The following TMTC2 variants were observed in gnomAD, a reference collection of about 807,000 sequenced individuals.
TMTC2 encodes the protein transmembrane O-mannosyltransferase targeting cadherins 2, also known as protein O-mannosyl-transferase TMTC2.
In TMTC2, 43 loss-of-function variants were observed where a neutral mutation model predicts 82.4. The observed-to-expected ratio is 0.52, with a 90% confidence interval of 0.41 to 0.67. The LOEUF is 0.67. Among genes scored for constraint, TMTC2 ranks in the 30% least tolerant of loss-of-function variants. The pLI is 0.00. For missense variants in TMTC2, 919 were observed against 1,012.4 expected, an observed-to-expected ratio of 0.91 and a Z score of 1.25; for synonymous variants, 408 against 381.9, an observed-to-expected ratio of 1.07 and a Z score of -0.80.
intron 2 of TMTC2, among the ~76,000 whole-genome samples, chr12:82,885,609 A>G (rs1298278778): frequency 6.6e-6 from 1 of 151,434 alleles, no homozygotes; most frequent in African/African-American, 2.4e-5. Context: ...GCCTTGAGTG[A>G]TTCCCCCCAC....
At chr12:82,876,097 A>ATGGTGGTGG (rs3068166) in intron 2 of TMTC2, among the ~76,000 whole-genome samples, 2 of 113,294 alleles carry the variant, frequency 1.8e-5, no homozygotes, top group Non-Finnish European at 1.7e-5. Context: ...AGTATTCATA[A>ATGGTGGTGG]TGGTGGTGGT....
chr12:82,848,937 G>C (rs1350692720), intron 1 of TMTC2, among the ~76,000 whole-genome samples: 1 of 152,262 alleles, frequency 6.6e-6, no homozygotes, highest in East Asian at 1.9e-4. Context: ...TAGTAATCCA[G>C]GTAGAGGGGG....
chr12:82,915,812 T>A (rs1332628144), intron 3 of TMTC2, among the ~76,000 whole-genome samples: 1 of 152,230 alleles, frequency 6.6e-6, no homozygotes, highest in African/African-American at 2.4e-5. Context: ...CTATTCCTGA[T>A]ACAAACTCAG....
intron 1 of TMTC2, among the ~76,000 whole-genome samples, chr12:82,716,357 G>C (rs963769411): frequency 4.0e-5 from 6 of 149,978 alleles, no homozygotes; most frequent in African/African-American, 1.5e-4. Flanking sequence ...TGCTTGTCTG[G>C]TACATTTTTT....
At chr12:82,833,257 A>G (rs1421601296) in intron 1 of TMTC2, among the ~76,000 whole-genome samples, 1 of 152,228 alleles carries the variant, frequency 6.6e-6, no homozygotes, top group East Asian at 1.9e-4. Context: ...CCAGCTGGAC[A>G]AACATTTATC....
chr12:82,867,469 TA>T (rs1871926824), intron 2 of TMTC2, among the ~76,000 whole-genome samples: 1 of 152,116 alleles, frequency 6.6e-6, no homozygotes, highest in Admixed American at 6.5e-5. Flanking sequence ...GAAGAACACC[TA>T]AAAAATAAAT....
chr12:82,688,885 T>C (rs1872457187), intron 1 of TMTC2, among the ~76,000 whole-genome samples: 1 of 152,200 alleles, frequency 6.6e-6, no homozygotes, highest in Non-Finnish European at 1.5e-5. Flanking sequence ...TATTCTCTGG[T>C]GTGCCCATTC....
intron 4 of TMTC2, among the ~76,000 whole-genome samples, chr12:82,943,076 A>G (rs1876811488): frequency 6.6e-6 from 1 of 152,170 alleles, no homozygotes; most frequent in Non-Finnish European, 1.5e-5. Flanking sequence ...AGCTGCTTAT[A>G]TAAACAAAGC....
rs535016843 is a variant in TMTC2 at position 82,730,368 on chromosome 12, A to C, written c.83+42699A>C. On this transcript the variant is annotated intron_variant, in intron 1 of 11. Transcript: ENST00000321196. Reference sequence around the variant, plus strand: ...TCTTATATAAAAAACAACCACTTTAATCTCTTGGGCTTTTCTTCTGCTATT... The same window carrying C: ...TCTTATATAAAAAACAACCACTTTACTCTCTTGGGCTTTTCTTCTGCTATT... 8.0e-5 allele frequency among the ~76,000 whole-genome samples: 12 copies of C among 150,472 alleles called. No homozygotes were observed. The South Asian group carries it at 2.3e-3, about 29-fold the overall frequency.
At chr12:82,979,118 C>T (rs1231248226) in intron 7 of TMTC2, among the ~76,000 whole-genome samples, 2 of 150,958 alleles carry the variant, frequency 1.3e-5, no homozygotes, top group African/African-American at 4.9e-5. Flanking sequence ...ATTGTTAGGT[C>T]TTTTTTTTCT....
intron 1 of TMTC2, among the ~76,000 whole-genome samples, chr12:82,794,338 C>T (rs1878613703): frequency 6.6e-6 from 1 of 152,132 alleles, no homozygotes; most frequent in Non-Finnish European, 1.5e-5. Flanking sequence ...CGTTTCCCCT[C>T]TTCCCCATCT....
chr12:82,775,022 T>G (rs1469184686), intron 1 of TMTC2, among the ~76,000 whole-genome samples: 1 of 152,128 alleles, frequency 6.6e-6, no homozygotes, highest in African/African-American at 2.4e-5. Context: ...TTGTGAGTCT[T>G]GCCATTGGTA....
At chr12:83,038,257 T>G (rs942077628) in intron 9 of TMTC2, among the ~76,000 whole-genome samples, 3 of 152,008 alleles carry the variant, frequency 2.0e-5, no homozygotes, top group African/African-American at 7.2e-5. Context: ...CTGCACGTTG[T>G]GCACATGTAC....
chr12:82,849,285 A>G (rs1305443589), intron 1 of TMTC2, among the ~76,000 whole-genome samples: 4 of 152,136 alleles, frequency 2.6e-5, no homozygotes, highest in East Asian at 1.9e-4. Context: ...AGAAAAGACA[A>G]TTCCTTTCCA....
At chr12:82,917,591 T>TTTTA (rs200853483) in intron 3 of TMTC2, among the ~76,000 whole-genome samples, 2,980 of 151,730 alleles carry the variant, frequency 0.02, 103 homozygotes, top group East Asian at 0.15. Context: ...TTGGCTTTTA[T>TTTTA]TTTATTTATT....
At chr12:83,088,652 C>T (rs1235917902) in intron 11 of TMTC2, among the ~76,000 whole-genome samples, 1 of 152,112 alleles carries the variant, frequency 6.6e-6, no homozygotes, top group Non-Finnish European at 1.5e-5. Context: ...AGAGCACACA[C>T]AACATTTATG....
At chr12:82,766,683 A>T (rs1876979943) in intron 1 of TMTC2, among the ~76,000 whole-genome samples, 2 of 152,240 alleles carry the variant, frequency 1.3e-5, no homozygotes, top group Admixed American at 6.5e-5. Flanking sequence ...GTCCCTGTAT[A>T]CCATGTCAGT....
At chr12:82,741,159 A>C (rs1422031665) in intron 1 of TMTC2, among the ~76,000 whole-genome samples, 1 of 152,188 alleles carries the variant, frequency 6.6e-6, no homozygotes, top group African/African-American at 2.4e-5. Flanking sequence ...CTCTTATTTT[A>C]GTATGTAGTT....
Position 82,687,479 on chromosome 12 carries a change from T to G in TMTC2, c.-108T>G, listed in dbSNP as rs769015867. On this transcript the variant is annotated 5_prime_UTR_variant, in exon 1 of 12. Coordinates refer to ENST00000321196, the MANE Select transcript of TMTC2 (RefSeq NM_152588.3). ...GGAGGGTGGGGAAGCGAGGGAAAAGTGAAGCTGGGAGGAGAAGGCGGCGGA... is the reference window on the plus strand; with the variant it reads ...GGAGGGTGGGGAAGCGAGGGAAAAGGGAAGCTGGGAGGAGAAGGCGGCGGA... The G allele has an allele frequency of 1.3e-4, 139 of 1,078,182 alleles. 1 individual carries two copies. The highest frequency in any genetic ancestry group is 1.8e-4 in the Non-Finnish European group (133 of 734,732). 66.8% of individuals were successfully genotyped at this position (1,078,182 alleles called of 1,614,324 possible).
Sources: allele counts gnomAD v4.1 joint callset (sites outside exome capture counted in the v4.1 genomes callset), GRCh38; gene constraint gnomAD v4.1.1; transcripts MANE v1.5; gene names NCBI Gene and HGNC (gene_info 2026-07-23, HGNC 2026-07-21).